The following MAP6 variants were observed in gnomAD, a reference collection of about 807,000 sequenced individuals.
MAP6 encodes the protein microtubule associated protein 6.
In MAP6, 26 loss-of-function variants were observed where a neutral mutation model predicts 42.4. The ratio of observed to expected loss-of-function variants is 0.61; its 90% CI spans 0.45 to 0.85. The LOEUF is 0.85. Ranked by LOEUF, MAP6 falls within the 40% of genes least tolerant of loss-of-function variation. MAP6 has a pLI of 0.00. For missense variants in MAP6, 966 were observed against 1,099.0 expected, an observed-to-expected ratio of 0.88 and a Z score of 1.71; for synonymous variants, 418 against 443.8, an observed-to-expected ratio of 0.94 and a Z score of 0.73.
At chr11:75,595,646 T>C (rs1233012025) in intron 3 of MAP6, among the ~76,000 whole-genome samples, 1 of 152,134 alleles carries the variant, frequency 6.6e-6, no homozygotes, top group African/African-American at 2.4e-5. Context: ...CAACCTCTAC[T>C]CCGTAACTGA....
Position 75,605,192 on chromosome 11 carries a change from A to G in MAP6, c.1316+616T>C, listed in dbSNP as rs960802867. On this transcript the variant is annotated intron_variant, in intron 3 of 3. Coordinates refer to ENST00000304771, the MANE Select transcript of MAP6 (RefSeq NM_033063.2). ...GGTATACAATTTAAAGCCCACTGATAGGAAGCTAAACACAGGCACACATTT... is the reference window on the plus strand; with the variant it reads ...GGTATACAATTTAAAGCCCACTGATGGGAAGCTAAACACAGGCACACATTT... 5.1e-6 allele frequency: 5 copies of G among 985,454 alleles called. No individual in the cohort carries two copies. The African/African-American group carries it at 8.7e-5, about 17-fold the overall frequency. 61.0% of individuals were successfully genotyped at this position (985,454 alleles called of 1,614,324 possible). A position where few individuals can be genotyped will look rare whatever the true frequency, so the allele number is the denominator to read the frequency against.
intron 3 of MAP6, chr11:75,605,083 T>C: frequency 1.0e-6 from 1 of 985,480 alleles, no homozygotes; most frequent in Non-Finnish European, 1.2e-6. Context: ...GATCTTCCTA[T>C]GACAGCTGGA....
chr11:75,636,474 T>G (rs999470778), intron 1 of MAP6, among the ~76,000 whole-genome samples: 1 of 152,218 alleles, frequency 6.6e-6, no homozygotes, highest in Non-Finnish European at 1.5e-5. Context: ...CTCTGATGTT[T>G]TGGCATCTGG....
At chr11:75,643,629 T>A (rs1943510766) in intron 1 of MAP6, among the ~76,000 whole-genome samples, 1 of 152,214 alleles carries the variant, frequency 6.6e-6, no homozygotes, top group African/African-American at 2.4e-5. Context: ...GAAATGGAAC[T>A]CAGAAAAGGC....
intron 3 of MAP6, chr11:75,603,764 C>A (rs144414650): frequency 1.0e-6 from 1 of 984,964 alleles, no homozygotes; most frequent in Non-Finnish European, 1.2e-6. Context: ...GCCTGGCACA[C>A]GGGCTTCTAG....
chr11:75,624,558 G>A (rs1057333498), intron 1 of MAP6, among the ~76,000 whole-genome samples: 75 of 152,034 alleles, frequency 4.9e-4, no homozygotes, highest in African/African-American at 1.7e-3. Flanking sequence ...CAAGCTCCAC[G>A]AGCTGCCCTG....
rs865780364 is a variant in MAP6, at chr11:75,604,821, G to T, written c.1316+987C>A. The T allele has an allele frequency of 4.1e-6, 4 of 985,508 alleles. 1 individual carries two copies. In the Middle Eastern group the frequency reaches 2.1e-3, roughly 515 times the overall value. 61.0% of individuals were successfully genotyped at this position (985,508 alleles called of 1,614,324 possible). A position where few individuals can be genotyped will look rare whatever the true frequency, so the allele number is the denominator to read the frequency against. ...TCACAGACATTCTCCCTGACCTGAGGCCTGGCACCGCTGCCCTCTCTGAGG... is the reference window on the plus strand; with the variant it reads ...TCACAGACATTCTCCCTGACCTGAGTCCTGGCACCGCTGCCCTCTCTGAGG... On this transcript the variant is annotated intron_variant, in intron 3 of 3. Coordinates refer to ENST00000304771, the MANE Select transcript of MAP6 (RefSeq NM_033063.2).
intron 1 of MAP6, among the ~76,000 whole-genome samples, chr11:75,629,074 C>T (rs1943242789): frequency 6.6e-6 from 1 of 152,026 alleles, no homozygotes; most frequent in African/African-American, 2.4e-5. Context: ...AGACGAAAAG[C>T]CTGCGTCTTT....
chr11:75,655,025 C>T (rs1044640478), intron 1 of MAP6, among the ~76,000 whole-genome samples: 13 of 152,166 alleles, frequency 8.5e-5, no homozygotes, highest in Non-Finnish European at 1.8e-4. Flanking sequence ...CTCACCAGGG[C>T]CCGCCTGGTA....
intron 1 of MAP6, among the ~76,000 whole-genome samples, chr11:75,614,890 CAA>C (rs1243325866): frequency 6.6e-6 from 1 of 152,194 alleles, no homozygotes; most frequent in Non-Finnish European, 1.5e-5. Flanking sequence ...CACAGAAGTT[CAA>C]GTTTCCAGCA....
At chr11:75,643,536 ACACT>A (rs1322813999) in intron 1 of MAP6, among the ~76,000 whole-genome samples, 3 of 152,170 alleles carry the variant, frequency 2.0e-5, no homozygotes, top group African/African-American at 7.2e-5. Flanking sequence ...GTCTTTTCTG[ACACT>A]CACAATTGAT....
At chr11:75,642,783 A>C (rs1198606085) in intron 1 of MAP6, 1 of 398,626 alleles carries the variant, frequency 2.5e-6, no homozygotes, top group Non-Finnish European at 5.4e-6. Flanking sequence ...TACTACTGCA[A>C]CTAGTCGAAT....
At chr11:75,654,864 G>A (rs573802286) in intron 1 of MAP6, among the ~76,000 whole-genome samples, 1 of 152,258 alleles carries the variant, frequency 6.6e-6, no homozygotes, top group South Asian at 2.1e-4. Flanking sequence ...TAAGATGCAT[G>A]ATTCAAACCC....
chr11:75,639,014 G>A (rs1377941272), intron 1 of MAP6, among the ~76,000 whole-genome samples: 1 of 152,168 alleles, frequency 6.6e-6, no homozygotes, highest in Non-Finnish European at 1.5e-5. Context: ...AGATAGAACT[G>A]GAAGCCATTA....
chr11:75,603,587 G>A (rs1942704434), intron 3 of MAP6: 2 of 708,126 alleles, frequency 2.8e-6, no homozygotes, highest in Non-Finnish European at 3.3e-6. Context: ...GGTCCCTGGG[G>A]CAGTGAGTGG....
chr11:75,595,716 G>A (rs1344567017), intron 3 of MAP6, among the ~76,000 whole-genome samples: 1 of 150,694 alleles, frequency 6.6e-6, no homozygotes, highest in African/African-American at 2.5e-5. Flanking sequence ...TGTTCCCACA[G>A]TGCCCCCACC....
intron 1 of MAP6, among the ~76,000 whole-genome samples, chr11:75,662,149 T>C (rs1943861563): frequency 6.6e-6 from 1 of 152,168 alleles, no homozygotes. Context: ...TCTAAAGATA[T>C]GTGACCCTTA....
rs546963260 is a variant in MAP6 at position 75,603,203 on chromosome 11, G to C, written c.1316+2605C>G. On this transcript the variant is annotated intron_variant, in intron 3 of 3. Transcript: ENST00000304771. ...CTCTTGGGGCTGCTTTTGCAGGCAG[G>C]GAAACAGCGGGAAAGCTTCAGTCCC... 3.0e-6 allele frequency: 3 copies of C among 985,504 alleles called. No individual in the cohort carries two copies. The South Asian group carries it at 1.4e-4, about 46-fold the overall frequency. The allele number at this position is 985,504 out of a possible 1,614,324, so 61.0% of individuals were successfully genotyped here.
rs555839647 is a variant in MAP6, at chr11:75,605,918, C to A, written c.1206G>T (p.Ala402=). ...TTTTCTTGGCAGCCTGGCCTGACAC[C>A]GCCTGCTTGTCTTTGGCCTTCCTCG... is the stretch of plus-strand genomic sequence containing the variant. The part of the protein sequence containing the change: ...KPTRKAKDKQ[A]VSGQAAKKKS... Residue 402 remains alanine (A), a synonymous_variant, in exon 3 of 4, where the codon GCG becomes GCT. Coordinates refer to ENST00000304771, the MANE Select transcript of MAP6 (RefSeq NM_033063.2). The A allele has an allele frequency of 6.2e-7, 1 of 1,614,118 alleles. No individual in the cohort carries two copies. Among genetic ancestry groups the A allele is most frequent in the Non-Finnish European group, 8.5e-7 (1 of 1,180,040 alleles).
Sources: allele counts gnomAD v4.1 joint callset (sites outside exome capture counted in the v4.1 genomes callset), GRCh38; gene constraint gnomAD v4.1.1; transcripts MANE v1.5; gene names NCBI Gene and HGNC (gene_info 2026-07-23, HGNC 2026-07-21).